CHCHD6: variants seen among roughly 807,000 people sequenced by gnomAD.
CHCHD6 encodes MICOS complex subunit MIC25.
In CHCHD6, 28 loss-of-function variants were observed where a neutral mutation model predicts 32.3. The observed-to-expected ratio is 0.87, with a 90% CI of 0.64 to 1.19. CHCHD6 has a LOEUF of 1.19. CHCHD6 is among the 50% of genes most tolerant of loss of function. CHCHD6 has a pLI of 0.00. For synonymous variants in CHCHD6, 122 were observed against 117.5 expected, an observed-to-expected ratio of 1.04 and a Z score of -0.25; for missense variants, 333 against 307.0, an observed-to-expected ratio of 1.08 and a Z score of -0.63.
chr3:126,721,317 G>C (rs950918657), intron 1 of CHCHD6, among the ~76,000 whole-genome samples: 1 of 152,188 alleles, frequency 6.6e-6, no homozygotes, highest in Non-Finnish European at 1.5e-5. Flanking sequence ...GGCGGCAGGC[G>C]CACGGTCTCT....
chr3:126,821,948 T>G (rs1940173423), intron 4 of CHCHD6, among the ~76,000 whole-genome samples: 1 of 152,224 alleles, frequency 6.6e-6, no homozygotes, highest in African/African-American at 2.4e-5. Flanking sequence ...GGAGAATTTT[T>G]TATATGTCCT....
intron 4 of CHCHD6, among the ~76,000 whole-genome samples, chr3:126,783,884 A>G (rs76848285): frequency 2.0e-5 from 3 of 152,214 alleles, no homozygotes; most frequent in Non-Finnish European, 4.4e-5. Flanking sequence ...GATTAAATTC[A>G]TGAGATTGTC....
At chr3:126,724,808 G>A (rs925593296) in intron 1 of CHCHD6, among the ~76,000 whole-genome samples, 2 of 152,118 alleles carry the variant, frequency 1.3e-5, no homozygotes, top group Non-Finnish European at 2.9e-5. Context: ...TCTTCACCAG[G>A]AGCAGATTCC....
rs1277718271 is a variant in CHCHD6 at position 126,733,064 on chromosome 3, T to C, written c.267-14T>C. On this transcript the variant is annotated splice_polypyrimidine_tract_variant and intron_variant, in intron 3 of 7. Transcript: ENST00000290913. ...CCATCCACATCTGTTTCTCCTCATG[T>C]TTCTTCTGCACAGGTATGAACAGGA... 6.2e-7 allele frequency: 1 copy of C among 1,613,580 alleles called. No individual in the cohort carries two copies. The highest frequency in any genetic ancestry group is 1.1e-5 in the South Asian group (1 of 91,064).
At chr3:126,789,252 A>T (rs1938394379) in intron 4 of CHCHD6, among the ~76,000 whole-genome samples, 1 of 152,016 alleles carries the variant, frequency 6.6e-6, no homozygotes, top group African/African-American at 2.4e-5. Flanking sequence ...CTATGTGGTC[A>T]ATTTTGGAAT....
chr3:126,936,317 T>C (rs1363827342), intron 6 of CHCHD6, among the ~76,000 whole-genome samples: 2 of 152,150 alleles, frequency 1.3e-5, no homozygotes, highest in African/African-American at 2.4e-5. Context: ...GTTCATAGAA[T>C]ACGAGGCCAG....
chr3:126,862,267 T>A (rs1334464928), intron 5 of CHCHD6, among the ~76,000 whole-genome samples: 44 of 79,160 alleles, frequency 5.6e-4, no homozygotes, highest in East Asian at 1.3e-3. Context: ...CTCCATCACC[T>A]CCTCCTCCTC....
At chr3:126,920,478 G>A (rs1307518540) in intron 6 of CHCHD6, among the ~76,000 whole-genome samples, 1 of 151,940 alleles carries the variant, frequency 6.6e-6, no homozygotes, top group Non-Finnish European at 1.5e-5. Flanking sequence ...CCTCTTTCTT[G>A]GTGAGCTCTA....
intron 2 of CHCHD6, 89 bp from the exon 3 acceptor site, chr3:126,730,472 C>A: frequency 1.9e-6 from 2 of 1,064,426 alleles, no homozygotes; most frequent in Non-Finnish European, 2.8e-6. Context: ...CACATTCATT[C>A]ATGGGGGTCA....
At chr3:126,745,130 G>C (rs116314136) in intron 4 of CHCHD6, among the ~76,000 whole-genome samples, 1,817 of 152,286 alleles carry the variant, frequency 0.012, 19 homozygotes, top group Middle Eastern at 0.048. Context: ...GCTGCAAAAG[G>C]GGGGCTGGGA....
intron 4 of CHCHD6, among the ~76,000 whole-genome samples, chr3:126,826,883 GA>G (rs1940417837): frequency 6.6e-6 from 1 of 152,194 alleles, no homozygotes; most frequent in Non-Finnish European, 1.5e-5. Flanking sequence ...GGTGGTAGTG[GA>G]AACTGAGAGT....
intron 4 of CHCHD6, among the ~76,000 whole-genome samples, chr3:126,787,658 T>C (rs916926477): frequency 6.6e-6 from 1 of 152,192 alleles, no homozygotes; most frequent in African/African-American, 2.4e-5. Flanking sequence ...ATGCTTGTGA[T>C]TTTTGCACAT....
At chr3:126,863,346 C>G (rs1942037173) in intron 5 of CHCHD6, among the ~76,000 whole-genome samples, 1 of 130,802 alleles carries the variant, frequency 7.6e-6, no homozygotes, top group Non-Finnish European at 1.6e-5. Context: ...CCATCACCTC[C>G]TCCTCCTCTA....
intron 1 of CHCHD6, among the ~76,000 whole-genome samples, chr3:126,715,323 C>T (rs1193157743): frequency 2.0e-5 from 3 of 152,100 alleles, no homozygotes; most frequent in Non-Finnish European, 2.9e-5. Context: ...TGTAAAGTGG[C>T]GATCGCTGCA....
chr3:126,896,197 A>G (rs532103002), intron 5 of CHCHD6, among the ~76,000 whole-genome samples: 2 of 152,222 alleles, frequency 1.3e-5, no homozygotes, highest in Non-Finnish European at 2.9e-5. Flanking sequence ...GTTACTTTTC[A>G]AGATAAAACA....
intron 1 of CHCHD6, among the ~76,000 whole-genome samples, chr3:126,714,256 C>T (rs1439568287): frequency 6.6e-6 from 1 of 151,992 alleles, no homozygotes; most frequent in Non-Finnish European, 1.5e-5. Context: ...ACCATGGTAT[C>T]CTTGCATGGT....
intron 4 of CHCHD6, among the ~76,000 whole-genome samples, chr3:126,792,893 C>T (rs958739545): frequency 6.6e-6 from 1 of 152,206 alleles, no homozygotes; most frequent in Middle Eastern, 3.4e-3. Context: ...AGTTGTATTA[C>T]ATTTGTTCTG....
intron 4 of CHCHD6, among the ~76,000 whole-genome samples, chr3:126,764,657 G>A (rs879405460): frequency 6.6e-6 from 1 of 152,148 alleles, no homozygotes; most frequent in Admixed American, 6.5e-5. Flanking sequence ...AGGACTTCGG[G>A]TGCTGCGTCC....
At chr3:126,935,212 TG>T (rs1396290977) in intron 6 of CHCHD6, 2 of 944,746 alleles carry the variant, frequency 2.1e-6, no homozygotes, top group Non-Finnish European at 2.5e-6. Context: ...ATGGCAGGGC[TG>T]GCATGAGGCA....
Sources: allele counts gnomAD v4.1 joint callset (sites outside exome capture counted in the v4.1 genomes callset), GRCh38; gene constraint gnomAD v4.1.1; transcripts MANE v1.5; gene names NCBI Gene and HGNC (gene_info 2026-07-23, HGNC 2026-07-21).